TRIP12: variants seen among roughly 807,000 people sequenced by gnomAD.
The protein encoded by TRIP12 is E3 ubiquitin-protein ligase TRIP12.
A neutral mutation model predicts 244.2 loss-of-function variants in TRIP12; 25 were observed. The ratio of observed to expected loss-of-function variants is 0.10; its 90% CI spans 0.07 to 0.14. The LOEUF is 0.14. Ranked by LOEUF, TRIP12 falls within the 10% of genes least tolerant of loss-of-function variation. The pLI is 1.00. For synonymous variants in TRIP12, 905 were observed against 873.1 expected (o/e 1.04, Z -0.64); for missense variants, 1,677 against 2,486.4 (o/e 0.67, Z 6.92).
At chr2:229,811,275 AT>A in intron 13 of TRIP12, 71 bp from the exon 14 acceptor site, 1 of 1,453,786 alleles carries the variant, frequency 6.9e-7, no homozygotes, top group East Asian at 2.5e-5. Context: ...TCACTACTTT[AT>A]CTTCCTCCTA....
At chr2:229,835,028 T>C (rs2054440736) in intron 6 of TRIP12, among the ~76,000 whole-genome samples, 2 of 152,242 alleles carry the variant, frequency 1.3e-5, no homozygotes, top group Admixed American at 1.3e-4. Context: ...TTAGGTATTT[T>C]CTTCTACATT....
At chr2:229,811,241 A>G in intron 13 of TRIP12, 37 bp from the exon 14 acceptor site, 1 of 1,585,780 alleles carries the variant, frequency 6.3e-7, no homozygotes, top group Non-Finnish European at 8.6e-7. Flanking sequence ...ATTTATTAGC[A>G]TAAAGCATTT....
chr2:229,767,931 G>A (rs774045613), intron 41 of TRIP12, among the ~76,000 whole-genome samples, 181 bp from the exon 42 acceptor site: 47 of 152,088 alleles, frequency 3.1e-4, no homozygotes, highest in Non-Finnish European at 2.5e-4. Context: ...TTAAAAACTC[G>A]CTGTATAACA....
intron 2 of TRIP12, among the ~76,000 whole-genome samples, chr2:229,861,257 G>A (rs916571449): frequency 6.6e-6 from 1 of 152,036 alleles, no homozygotes; most frequent in Non-Finnish European, 1.5e-5. Context: ...AAATCCTTAT[G>A]CCAGCACTAT....
At chr2:229,811,074 T>C (rs2047135603) in intron 14 of TRIP12, 29 bp from the exon 15 acceptor site, 1 of 1,613,642 alleles carries the variant, frequency 6.2e-7, no homozygotes, top group Non-Finnish European at 8.5e-7. Context: ...AAAGGAATTA[T>C]TACATCAAGA....
chr2:229,796,829 TA>T, intron 24 of TRIP12, 47 bp from the exon 25 acceptor site: 3 of 1,476,840 alleles, frequency 2.0e-6, no homozygotes, highest in Non-Finnish European at 2.7e-6. Context: ...AAGCAGCACT[TA>T]AAAAATACAC....
chr2:229,788,973 T>C (rs765438454), intron 31 of TRIP12, 33 bp from the exon 32 acceptor site: 1 of 1,545,182 alleles, frequency 6.5e-7, no homozygotes, highest in African/African-American at 1.4e-5. Flanking sequence ...AAAGTCTACA[T>C]GTAGTAAAAT....
intron 21 of TRIP12, among the ~76,000 whole-genome samples, chr2:229,800,633 T>C (rs2044045021): frequency 6.6e-6 from 1 of 152,234 alleles, no homozygotes; most frequent in African/African-American, 2.4e-5. Context: ...AACCATGCTG[T>C]AATATGGAAC....
At chr2:229,792,286 C>A (rs2041735870) in intron 27 of TRIP12, 60 bp from the exon 28 acceptor site, 1 of 1,299,508 alleles carries the variant, frequency 7.7e-7, no homozygotes, top group African/African-American at 1.5e-5. Context: ...AAAAAAAAAT[C>A]CTGTATACAC....
chr2:229,768,085 CTA>C (rs1312771860), intron 41 of TRIP12, among the ~76,000 whole-genome samples: 2 of 152,256 alleles, frequency 1.3e-5, no homozygotes, highest in African/African-American at 4.8e-5. Flanking sequence ...TGGAGAAACC[CTA>C]TCTCTACAAA....
rs779389307 is a variant in TRIP12 at position 229,858,810 on chromosome 2, G to A, written c.989C>T (p.Ser330Leu). ...CTGTAATCCAGAAGGTCCAGGTTTT[G>A]ATGTCTCTGACTTAGAAGACCCTGG... ...SLPGSSKSET[S>L]KPGPSGLQAK... The change falls in exon 4 of 42, where the codon TCA becomes TTA. Residue 330 changes from serine to leucine, a missense_variant. This residue lies in a region of TRIP12 where 387 missense variants were observed against 392.6 expected (regional missense o/e 0.99). Coordinates refer to ENST00000675903, the MANE Select transcript of TRIP12 (RefSeq NM_001348323.3). 48 of 1,604,966 alleles carry A rather than the reference G, an allele frequency of 3.0e-5. No individual in the cohort carries two copies. The highest frequency in any genetic ancestry group is 3.9e-5 in the Non-Finnish European group (46 of 1,172,684).
intron 4 of TRIP12, among the ~76,000 whole-genome samples, chr2:229,853,285 TCTA>T (rs2059042450): frequency 1.3e-5 from 2 of 152,194 alleles, no homozygotes. Flanking sequence ...AGATTTTTAT[TCTA>T]CTAAGATTTG....
intron 1 of TRIP12, among the ~76,000 whole-genome samples, chr2:229,880,720 G>A (rs2064671031): frequency 6.6e-6 from 1 of 152,178 alleles, no homozygotes; most frequent in Non-Finnish European, 1.5e-5. Flanking sequence ...GAGGTGGGTG[G>A]ATCATCTGAG....
At chr2:229,844,743 C>T (rs531032032) in intron 4 of TRIP12, among the ~76,000 whole-genome samples, 19 of 152,248 alleles carry the variant, frequency 1.2e-4, no homozygotes, top group African/African-American at 4.3e-4. Flanking sequence ...ATCTTCATTC[C>T]ATAAGTAATT....
At chr2:229,771,295 C>G (rs1189541676) in intron 39 of TRIP12, among the ~76,000 whole-genome samples, 2 of 152,222 alleles carry the variant, frequency 1.3e-5, no homozygotes, top group African/African-American at 4.8e-5. Flanking sequence ...AGATGCTATG[C>G]TTACTGTCAC....
chr2:229,778,575 C>T lies in TRIP12; in HGVS notation c.5222G>A (p.Gly1741Glu). Residue 1741 changes from glycine (G) to glutamate (E), a missense_variant, in exon 36 of 42, where the codon GGG becomes GAG. By Grantham distance (98) the Gly-to-Glu change is moderately conservative. Coordinates refer to ENST00000675903, the MANE Select transcript of TRIP12 (RefSeq NM_001348323.3). This position sits in a 1 kb window ranked among gnomAD's most constrained non-coding sequence, Gnocchi z 4.1. ...CTGGAGGTTTTGAATATACTTGGTCCCTTCTTGGCTCCCTGAAAAACAAGC... is the reference window on the plus strand; with the variant it reads ...CTGGAGGTTTTGAATATACTTGGTCTCTTCTTGGCTCCCTGAAAAACAAGC... ...TLSNPKGSQE[G>E]TKYIQNLQGL... 6.2e-7 allele frequency: 1 copy of T among 1,610,992 alleles called. No individual in the cohort carries two copies. Among genetic ancestry groups the T allele is most frequent in the Non-Finnish European group, 8.5e-7 (1 of 1,178,952 alleles).
intron 1 of TRIP12, among the ~76,000 whole-genome samples, chr2:229,888,234 G>A (rs1358697471): frequency 6.6e-6 from 1 of 152,126 alleles, no homozygotes; most frequent in African/African-American, 2.4e-5. Context: ...CATCATGTAG[G>A]TATCCAGGTA....
intron 8 of TRIP12, among the ~76,000 whole-genome samples, chr2:229,819,782 C>T (rs1013856262): frequency 3.9e-5 from 6 of 152,118 alleles, no homozygotes; most frequent in Non-Finnish European, 8.8e-5. Context: ...TGTCTGGAAA[C>T]TGTCAATGAA....
Position 229,791,897 on chromosome 2 carries a change from C to A in TRIP12, c.4384G>T (p.Ala1462Ser). The A allele has an allele frequency of 6.2e-7, 1 of 1,614,108 alleles. No homozygotes were observed. Among genetic ancestry groups the A allele is most frequent in the Non-Finnish European group, 8.5e-7 (1 of 1,179,966 alleles). Residue 1462 changes from alanine (A) to serine (S), a missense_variant, in exon 29 of 42, where the codon GCT becomes TCT. Transcript: ENST00000675903. ...TDDESNPLGR[A>S]GIWTKTHTIW... ...GTATGAGTCTTTGTCCAAATACCAGCTCTGCCTAGAGGATTGCTCTCATCA... is the reference window on the plus strand; with the variant it reads ...GTATGAGTCTTTGTCCAAATACCAGATCTGCCTAGAGGATTGCTCTCATCA...
Sources: allele counts gnomAD v4.1 joint callset (sites outside exome capture counted in the v4.1 genomes callset), GRCh38; gene constraint gnomAD v4.1.1; regional missense constraint gnomAD v4.1.1; non-coding constraint Gnocchi (gnomAD v3.1); transcripts MANE v1.5; gene names NCBI Gene and HGNC (gene_info 2026-07-23, HGNC 2026-07-21).